The following UBE4A variants were observed in gnomAD, a reference collection of about 807,000 sequenced individuals.
UBE4A encodes the protein ubiquitination factor E4A, also known as ubiquitin conjugation factor E4 A.
A neutral mutation model predicts 117.9 loss-of-function variants in UBE4A; 48 were observed. The ratio of observed to expected loss-of-function variants is 0.41; its 90% CI spans 0.32 to 0.52. The LOEUF (loss-of-function observed/expected upper bound fraction) is 0.52. UBE4A is among the 20% of genes least tolerant of loss of function. The probability of loss-of-function intolerance (pLI) is 0.33; values close to 1 mark genes in which losing one functional copy is unlikely to be tolerated. For synonymous variants in UBE4A, 407 were observed against 450.0 expected (o/e 0.90, Z 1.21); for missense variants, 1,067 against 1,296.3 (o/e 0.82, Z 2.72).
chr11:118,379,314 G>C, intron 10 of UBE4A, 132 bp from the exon 11 acceptor site: 1 of 995,226 alleles, frequency 1.0e-6, no homozygotes, highest in East Asian at 2.4e-5. Context: ...ACTTTTGTGA[G>C]TGCCTTCTGT....
At position 118,397,720 on chromosome 11, in the gene UBE4A, G is replaced by A. The variant is rs1391607837; in HGVS notation, c.*1280G>A. 1 of 152,206 alleles carries A rather than the reference G, an allele frequency of 6.6e-6. No individual in the cohort carries two copies. Among genetic ancestry groups the A allele is most frequent in the Non-Finnish European group, 1.5e-5 (1 of 68,024 alleles). 9.4% of individuals were successfully genotyped at this position (152,206 alleles called of 1,614,324 possible). A position where few individuals can be genotyped will look rare whatever the true frequency, so the allele number is the denominator to read the frequency against. On this transcript the variant is annotated 3_prime_UTR_variant, in exon 20 of 20. Transcript: ENST00000252108. ...AGAGATGTCATAAGTGACAAGAAAA[G>A]TGATAGGATCAAGAAATGGGTGTCA...
At position 118,398,050 on chromosome 11, in the gene UBE4A, T is replaced by C. The variant is rs1948891400; in HGVS notation, c.*1610T>C. The C allele has an allele frequency of 1.3e-5, 2 of 152,664 alleles. No homozygotes were observed. The highest frequency in any genetic ancestry group is 1.3e-4 in the Admixed American group (2 of 15,286). 9.5% of individuals were successfully genotyped at this position (152,664 alleles called of 1,614,324 possible). A position where few individuals can be genotyped will look rare whatever the true frequency, so the allele number is the denominator to read the frequency against. ...ATTTGTTTATTTTCTAAAATTAGCTTCATTCAATATTTATCATCCTCCTTT... is the reference window on the plus strand; with the variant it reads ...ATTTGTTTATTTTCTAAAATTAGCTCCATTCAATATTTATCATCCTCCTTT... On this transcript the variant is annotated 3_prime_UTR_variant, in exon 20 of 20. Transcript: ENST00000252108.
chr11:118,370,796 T>C (rs995839384), intron 4 of UBE4A, among the ~76,000 whole-genome samples: 1 of 152,122 alleles, frequency 6.6e-6, no homozygotes, highest in Non-Finnish European at 1.5e-5. Context: ...TGAGGACGCA[T>C]GCAAGGAGGA....
At position 118,369,460 on chromosome 11, in the gene UBE4A, C is replaced by G; in HGVS notation, c.333C>G (p.Ser111Arg). 1 of 1,614,148 alleles carries G rather than the reference C, an allele frequency of 6.2e-7. No homozygotes were observed. Among genetic ancestry groups the G allele is most frequent in the Non-Finnish European group, 8.5e-7 (1 of 1,180,016 alleles). Residue 111 changes from serine to arginine, a missense_variant, in exon 4 of 20, where the codon AGC (serine) becomes AGG (arginine). Coordinates refer to ENST00000252108, the MANE Select transcript of UBE4A (RefSeq NM_001204077.2). ...TGAAAAGCGGGAATGGCATCCCTAG[C>G]CGTTGTGTGTATTTGGAAGAAATGG... ...PSLKSGNGIP[S>R]RCVYLEEMAV... is the part of the protein sequence containing the mutation.
chr11:118,390,420 A>G (rs1337535953), intron 17 of UBE4A, among the ~76,000 whole-genome samples: 1 of 146,278 alleles, frequency 6.8e-6, no homozygotes, highest in Non-Finnish European at 1.5e-5. Context: ...TATATTTTAT[A>G]TAATATAATT....
intron 2 of UBE4A, among the ~76,000 whole-genome samples, chr11:118,367,292 CAA>C (rs1390788532): frequency 3.4e-5 from 5 of 146,358 alleles, no homozygotes; most frequent in Admixed American, 3.4e-4. Flanking sequence ...AAAAAAATAA[CAA>C]GAAAGAATAA....
intron 16 of UBE4A, 89 bp downstream of exon 16, chr11:118,386,701 T>G (rs1948762307): frequency 1.4e-6 from 2 of 1,381,030 alleles, no homozygotes; most frequent in Non-Finnish European, 9.6e-7. Flanking sequence ...AACTAAGAAT[T>G]CAGACCCTGG....
intron 13 of UBE4A, among the ~76,000 whole-genome samples, chr11:118,383,277 A>G (rs1416847998): frequency 2.0e-5 from 3 of 152,130 alleles, no homozygotes; most frequent in African/African-American, 7.2e-5. Context: ...TAACTCTCCA[A>G]CAGTCTAATG....
chr11:118,365,219 T>A lies in UBE4A; in HGVS notation c.121+18T>A, dbSNP rs773356961. Reference sequence around the variant, plus strand: ...ACAATCTGGTAAGTGGAGGAGCCAATAGCAGCAAATAAGATGACCTAGAAT... The same window carrying A: ...ACAATCTGGTAAGTGGAGGAGCCAAAAGCAGCAAATAAGATGACCTAGAAT... On this transcript the variant is annotated intron_variant, in intron 2 of 19. Transcript: ENST00000252108. 8.3e-6 allele frequency: 13 copies of A among 1,573,976 alleles called. No homozygotes were observed.
At chr11:118,376,786 A>G in intron 10 of UBE4A, 92 bp downstream of exon 10, 1 of 1,451,094 alleles carries the variant, frequency 6.9e-7, no homozygotes, top group Admixed American at 2.0e-5. Context: ...ACAGTAGCTC[A>G]CATCTTTAAT....
chr11:118,375,042 G>A lies in UBE4A; in HGVS notation c.1263G>A (p.Met421Ile), dbSNP rs1432592934. Reference sequence around the variant, plus strand: ...GCACCAAGATTTGGGCCAATCAGATGCCAGAAATCTTTTTCCAAATGTATG... The same window carrying A: ...GCACCAAGATTTGGGCCAATCAGATACCAGAAATCTTTTTCCAAATGTATG... ...AGRTKIWANQ[M>I]PEIFFQMYAS... Residue 421 changes from methionine to isoleucine, a missense_variant, in exon 9 of 20, where the codon ATG becomes ATA. Coordinates refer to ENST00000252108, the MANE Select transcript of UBE4A (RefSeq NM_001204077.2). 2 of 1,614,064 alleles carry A rather than the reference G, an allele frequency of 1.2e-6. 1 individual carries two copies. Among genetic ancestry groups the A allele is most frequent in the Admixed American group, 3.3e-5 (2 of 59,996 alleles).
At chr11:118,375,424 A>G (rs1026115840) in intron 9 of UBE4A, among the ~76,000 whole-genome samples, 195 bp downstream of exon 9, 7 of 151,822 alleles carry the variant, frequency 4.6e-5, no homozygotes, top group African/African-American at 1.7e-4. Context: ...CAGTGACGCT[A>G]TCTTGGCTCA....
chr11:118,388,155 A>C (rs1201603694), intron 16 of UBE4A, among the ~76,000 whole-genome samples: 5 of 152,220 alleles, frequency 3.3e-5, no homozygotes, highest in Admixed American at 2.6e-4. Flanking sequence ...CTTAATAACA[A>C]ACTAAATTAT....
chr11:118,384,992 A>C lies in UBE4A; in HGVS notation c.2412+47A>C, dbSNP rs781794582. On this transcript the variant is annotated intron_variant, in intron 15 of 19. Coordinates refer to ENST00000252108, the MANE Select transcript of UBE4A (RefSeq NM_001204077.2). ...AAGATTTAACTTCTCCATACCATCA[A>C]ATCATCAGCAGTACATACATTTTAC... 4 of 1,475,654 alleles carry C rather than the reference A, an allele frequency of 2.7e-6. No individual in the cohort carries two copies. In the South Asian group the frequency reaches 3.6e-5, roughly 13 times the overall value. 91.4% of individuals were successfully genotyped at this position (1,475,654 alleles called of 1,614,324 possible).
chr11:118,372,697 T>C lies in UBE4A; in HGVS notation c.721+31T>C, dbSNP rs777208884. The C allele has an allele frequency of 3.7e-6, 6 of 1,604,260 alleles. No individual in the cohort carries two copies. The South Asian group carries it at 6.7e-5, about 18-fold the overall frequency. ...TACATGAACAAGATCTGTAAGCTTC[T>C]ACATTTTGATTTTCAGATTTAAAAT... On this transcript the variant is annotated intron_variant, in intron 6 of 19. Transcript: ENST00000252108.
chr11:118,366,061 TAAAAA>T (rs5795123), intron 2 of UBE4A, among the ~76,000 whole-genome samples: 1 of 143,388 alleles, frequency 7.0e-6, no homozygotes, highest in Non-Finnish European at 1.5e-5. Flanking sequence ...TTTGTTTATT[TAAAAA>T]AAAAAAAAAC....
At chr11:118,386,261 T>C (rs1217193665) in intron 15 of UBE4A, among the ~76,000 whole-genome samples, 177 bp from the exon 16 acceptor site, 2 of 152,230 alleles carry the variant, frequency 1.3e-5, no homozygotes, top group Admixed American at 1.3e-4. Context: ...AATTTCTTTT[T>C]TTCCTGAAAG....
chr11:118,382,668 C>T lies in UBE4A; in HGVS notation c.2089C>T (p.Pro697Ser), dbSNP rs1555126520. The part of the protein sequence containing the change: ...VMPHLDQTPN[P>S]LVSSVFHRKR... Reference sequence around the variant, plus strand: ...GCCCCACCTGGATCAGACCCCAAATCCCTTGGTATCCAGTGTGTTCCACCG... The same window carrying T: ...GCCCCACCTGGATCAGACCCCAAATTCCTTGGTATCCAGTGTGTTCCACCG... Residue 697 changes from proline (P) to serine (S), a missense_variant, in exon 13 of 20, where the codon CCC (proline) becomes TCC (serine). Physicochemically the swap from Pro to Ser is moderately conservative, Grantham distance 74. Around this residue, in one of 3 missense-constraint regions of UBE4A, gnomAD observed 1,001 missense variants for 1,184.0 expected, o/e 0.85. Coordinates refer to ENST00000252108, the MANE Select transcript of UBE4A (RefSeq NM_001204077.2). 6.2e-7 allele frequency: 1 copy of T among 1,605,162 alleles called. No individual in the cohort carries two copies. The highest frequency in any genetic ancestry group is 8.5e-7 in the Non-Finnish European group (1 of 1,175,106).
intron 12 of UBE4A, 72 bp from the exon 13 acceptor site, chr11:118,382,517 A>C: frequency 7.9e-7 from 1 of 1,265,356 alleles, no homozygotes. Flanking sequence ...TTTGATTCTT[A>C]TGTGGAGAGA....
Sources: allele counts gnomAD v4.1 joint callset (sites outside exome capture counted in the v4.1 genomes callset), GRCh38; gene constraint gnomAD v4.1.1; regional missense constraint gnomAD v4.1.1; transcripts MANE v1.5; gene names NCBI Gene and HGNC (gene_info 2026-07-23, HGNC 2026-07-21).